CNTN4: variants seen among roughly 807,000 people sequenced by gnomAD.
The protein encoded by CNTN4 is contactin 4, also known as contactin-4.
In CNTN4, 77 loss-of-function variants were observed where a neutral mutation model predicts 122.5. That is an observed-to-expected ratio of 0.63 (90% CI 0.52 to 0.76). The LOEUF is 0.76. CNTN4 is among the 30% of genes least tolerant of loss of function. CNTN4 has a pLI of 0.00. For synonymous variants in CNTN4, 512 were observed against 447.0 expected, an observed-to-expected ratio of 1.15 and a Z score of -1.83; for missense variants, 1,256 against 1,259.1, an observed-to-expected ratio of 1.00 and a Z score of 0.04.
chr3:2,622,161 G>T (rs148114974), intron 4 of CNTN4, among the ~76,000 whole-genome samples: 1 of 152,070 alleles, frequency 6.6e-6, no homozygotes, highest in Non-Finnish European at 1.5e-5. Flanking sequence ...TTCTGCGTTT[G>T]GTTATGTATC....
intron 4 of CNTN4, among the ~76,000 whole-genome samples, chr3:2,668,804 G>A (rs534863083): frequency 2.0e-5 from 3 of 151,904 alleles, no homozygotes; most frequent in East Asian, 1.9e-4. Flanking sequence ...TAGCATGAAG[G>A]GCTGTTGAAT....
At chr3:2,452,026 A>C (rs1386534588) in intron 3 of CNTN4, among the ~76,000 whole-genome samples, 1 of 152,164 alleles carries the variant, frequency 6.6e-6, no homozygotes, top group East Asian at 1.9e-4. Flanking sequence ...TCAAACTCTT[A>C]ATTTAGAGTA....
chr3:2,885,253 A>G (rs1435256513), intron 9 of CNTN4, among the ~76,000 whole-genome samples: 1 of 152,246 alleles, frequency 6.6e-6, no homozygotes, highest in African/African-American at 2.4e-5. Context: ...TTAGCTCACT[A>G]AACCATTGAT....
chr3:2,119,092 G>A (rs2033556756), intron 2 of CNTN4, among the ~76,000 whole-genome samples: 1 of 152,150 alleles, frequency 6.6e-6, no homozygotes, highest in African/African-American at 2.4e-5. Flanking sequence ...ATAATGTGGT[G>A]GGCCACATTC....
At chr3:2,691,592 A>G (rs1003779798) in intron 4 of CNTN4, among the ~76,000 whole-genome samples, 3 of 152,196 alleles carry the variant, frequency 2.0e-5, no homozygotes, top group Admixed American at 2.0e-4. Context: ...GAAGCTATTA[A>G]TTGCAGGATC....
At chr3:2,913,345 C>T (rs997124259) in intron 12 of CNTN4, among the ~76,000 whole-genome samples, 2 of 151,946 alleles carry the variant, frequency 1.3e-5, no homozygotes, top group Non-Finnish European at 2.9e-5. Flanking sequence ...ATTAAATGCC[C>T]CAATTAAAAG....
chr3:2,243,044 T>G (rs538264663), intron 2 of CNTN4, among the ~76,000 whole-genome samples: 5 of 152,272 alleles, frequency 3.3e-5, no homozygotes, highest in Admixed American at 3.3e-4. Context: ...GAGCACGGTC[T>G]AAGTTGCCTC....
chr3:2,589,116 C>G (rs2080341232), intron 4 of CNTN4, among the ~76,000 whole-genome samples: 1 of 152,114 alleles, frequency 6.6e-6, no homozygotes, highest in Non-Finnish European at 1.5e-5. Context: ...ATAAAGGGGC[C>G]AGATTAACCC....
chr3:2,959,587 A>G (rs1279870675), intron 13 of CNTN4, among the ~76,000 whole-genome samples: 1 of 152,056 alleles, frequency 6.6e-6, no homozygotes, highest in Non-Finnish European at 1.5e-5. Flanking sequence ...TTTCCTTACC[A>G]TTAGATTAAT....
At chr3:2,608,556 C>T (rs1264988204) in intron 4 of CNTN4, among the ~76,000 whole-genome samples, 1 of 152,240 alleles carries the variant, frequency 6.6e-6, no homozygotes, top group African/African-American at 2.4e-5. Context: ...ACTACAACCT[C>T]TGCCTCATGG....
intron 3 of CNTN4, among the ~76,000 whole-genome samples, chr3:2,381,907 C>T (rs1210344113): frequency 6.6e-6 from 1 of 152,058 alleles, no homozygotes; most frequent in African/African-American, 2.4e-5. Context: ...CAAATTGTCT[C>T]TGTAGAGCTG....
At chr3:2,240,418 T>G (rs1240502006) in intron 2 of CNTN4, among the ~76,000 whole-genome samples, 1 of 152,106 alleles carries the variant, frequency 6.6e-6, no homozygotes, top group Non-Finnish European at 1.5e-5. Context: ...TTAAGCTCGT[T>G]TTTCCAAATA....
rs1051387142 is a variant in CNTN4, at chr3:2,322,118, T to C, written c.-144-17060T>C. Among the ~76,000 whole-genome samples, 3 of 152,204 alleles carry C rather than the reference T, an allele frequency of 2.0e-5. No individual in the cohort carries two copies. In the East Asian group the frequency reaches 5.8e-4, roughly 29 times the overall value. On this transcript the variant is annotated intron_variant, in intron 2 of 24. Coordinates refer to ENST00000418658, the MANE Select transcript of CNTN4 (RefSeq NM_175607.3). ...ACATAGGATTGTCTGTATGATAAAG[T>C]ATACATTAGATTACTCTATCTATTT... is the stretch of plus-strand genomic sequence containing the variant.
At chr3:2,280,072 C>G (rs557534820) in intron 2 of CNTN4, among the ~76,000 whole-genome samples, 1 of 150,138 alleles carries the variant, frequency 6.7e-6, no homozygotes, top group Admixed American at 6.6e-5. Context: ...ATCAGGTTTT[C>G]TTGAACATCA....
intron 3 of CNTN4, among the ~76,000 whole-genome samples, chr3:2,499,951 T>A (rs2076551977): frequency 6.6e-6 from 1 of 152,262 alleles, no homozygotes; most frequent in South Asian, 2.1e-4. Context: ...CCATGCAAGT[T>A]TTGTGAATTT....
intron 14 of CNTN4, among the ~76,000 whole-genome samples, chr3:3,009,474 C>A (rs1696976049): frequency 1.3e-5 from 2 of 151,862 alleles, no homozygotes; most frequent in African/African-American, 4.8e-5. Context: ...TGCTCTGTCG[C>A]CCAGGCTGGA....
intron 3 of CNTN4, among the ~76,000 whole-genome samples, chr3:2,348,231 T>G (rs1341551492): frequency 6.7e-6 from 1 of 148,544 alleles, no homozygotes; most frequent in Non-Finnish European, 1.5e-5. Flanking sequence ...AATTAGATCA[T>G]ATACTTAACG....
intron 3 of CNTN4, among the ~76,000 whole-genome samples, chr3:2,564,870 G>A (rs1048958461): frequency 1.2e-4 from 18 of 152,208 alleles, no homozygotes; most frequent in South Asian, 4.2e-4. Flanking sequence ...AAATTAATCC[G>A]TATAACTGTG....
chr3:2,509,289 G>A (rs143106634), intron 3 of CNTN4, among the ~76,000 whole-genome samples: 2,063 of 152,104 alleles, frequency 0.014, 50 homozygotes, highest in African/African-American at 0.047. Context: ...CAATAATAAT[G>A]AGCCTGATAA....
Sources: allele counts gnomAD v4.1 joint callset (sites outside exome capture counted in the v4.1 genomes callset), GRCh38; gene constraint gnomAD v4.1.1; transcripts MANE v1.5; gene names NCBI Gene and HGNC (gene_info 2026-07-23, HGNC 2026-07-21).